The following RXYLT1 variants were observed in gnomAD, a reference collection of about 807,000 sequenced individuals.
RXYLT1 encodes ribitol xylosyltransferase 1.
Under a neutral mutation model 43.5 loss-of-function variants are expected in RXYLT1, and 41 were observed. The ratio of observed to expected loss-of-function variants is 0.94; its 90% CI spans 0.73 to 1.22. The LOEUF (loss-of-function observed/expected upper bound fraction) is 1.22. Ranked by LOEUF, RXYLT1 falls within the 50% of genes most tolerant of loss-of-function variation. The probability of loss-of-function intolerance (pLI) is 0.00; values close to 1 mark genes in which losing one functional copy is unlikely to be tolerated. For synonymous variants in RXYLT1, 166 were observed against 194.4 expected, an observed-to-expected ratio of 0.85 and a Z score of 1.21; for missense variants, 514 against 532.0, an observed-to-expected ratio of 0.97 and a Z score of 0.33.
chr12:63,797,515 A>C (rs1179922999), intron 3 of RXYLT1, among the ~76,000 whole-genome samples: 1 of 152,204 alleles, frequency 6.6e-6, no homozygotes, highest in South Asian at 2.1e-4. Flanking sequence ...CATAAGTGAT[A>C]AACTTGGGTT....
chr12:63,808,940 GCTGTTTTAGAAA>G lies in RXYLT1; in HGVS notation c.1181_1192del (p.Ala394_Lys398delinsGlu). Reference sequence around the variant, plus strand: ...TATCAAGAACTGGAAGGAACTCCCTGCTGTTTTAGAAAAAGAGAAAACTATAATTTTACAAGA... The same window carrying G: ...TATCAAGAACTGGAAGGAACTCCCTGAAGAGAAAACTATAATTTTACAAGA... On this transcript the variant is annotated inframe_deletion, in exon 6 of 6. Transcript: ENST00000261234. 1 of 1,613,550 alleles carries G rather than the reference GCTGTTTTAGAAA, an allele frequency of 6.2e-7. No individual in the cohort carries two copies. Among genetic ancestry groups the G allele is most frequent in the African/African-American group, 1.3e-5 (1 of 74,966 alleles).
rs1193101148 is a variant in RXYLT1, at chr12:63,805,582, A to G, written c.914+178A>G. ...TGGGTTGTACACATTTAGAATAGAGAGAACCGCCTATGACTGTAGTCCATC... is the reference window on the plus strand; with the variant it reads ...TGGGTTGTACACATTTAGAATAGAGGGAACCGCCTATGACTGTAGTCCATC... On this transcript the variant is annotated intron_variant, in intron 5 of 5. Transcript: ENST00000261234. The G allele has an allele frequency of 5.6e-6, 3 of 538,994 alleles. No homozygotes were observed. In the African/African-American group the frequency reaches 5.9e-5, roughly 11 times the overall value. 33.4% of individuals were successfully genotyped at this position (538,994 alleles called of 1,614,324 possible). A position where few individuals can be genotyped will look rare whatever the true frequency, so the allele number is the denominator to read the frequency against.
intron 3 of RXYLT1, among the ~76,000 whole-genome samples, chr12:63,788,613 T>C (rs1897856225): frequency 6.6e-6 from 1 of 152,222 alleles, no homozygotes; most frequent in Non-Finnish European, 1.5e-5. Context: ...CTTCCTCACC[T>C]TTCTCAACCT....
At position 63,779,971 on chromosome 12, in the gene RXYLT1, C is replaced by A; in HGVS notation, c.11C>A (p.Thr4Lys). 6.2e-7 allele frequency: 1 copy of A among 1,610,564 alleles called. No homozygotes were observed. Among genetic ancestry groups the A allele is most frequent in the Non-Finnish European group, 8.5e-7 (1 of 1,178,674 alleles). MRL[T>K]RKRLCSFLIA... Reference sequence around the variant, plus strand: ...GGAAGCCCGAGTGGGATGCGGCTGACGCGGAAGCGGCTCTGCTCGTTTCTT... The same window carrying A: ...GGAAGCCCGAGTGGGATGCGGCTGAAGCGGAAGCGGCTCTGCTCGTTTCTT... Residue 4 changes from threonine (T) to lysine (K), a missense_variant, in exon 1 of 6, where the codon ACG (threonine) becomes AAG (lysine). Transcript: ENST00000261234.
intron 1 of RXYLT1, 110 bp downstream of exon 1, chr12:63,780,239 G>C (rs566322304): frequency 7.2e-7 from 1 of 1,385,458 alleles, no homozygotes; most frequent in East Asian, 2.9e-5. Context: ...TTACCCGCAG[G>C]GCCTGAGAAG....
At chr12:63,788,139 AATAT>A (rs1897846881) in intron 3 of RXYLT1, among the ~76,000 whole-genome samples, 1 of 152,226 alleles carries the variant, frequency 6.6e-6, no homozygotes, top group African/African-American at 2.4e-5. Flanking sequence ...GTAAGCTTAA[AATAT>A]TCAGTAAACC....
chr12:63,808,884 T>C lies in RXYLT1; in HGVS notation c.1124T>C (p.Leu375Ser). The change falls in exon 6 of 6, where the codon TTA becomes TCA. Residue 375 changes from leucine (L) to serine (S), a missense_variant. Leu to Ser is a moderately radical substitution (Grantham distance 145, BLOSUM62 -2). Coordinates refer to ENST00000261234, the MANE Select transcript of RXYLT1 (RefSeq NM_014254.3). ...GTGCACCACGGTGCTCCTCTGCAGT[T>C]ACTCAAGTCCATGGGTGCTCCCTTT... ...TSVHHGAPLQLLKSMGAPFIF... is the reference protein window; with the variant it reads ...TSVHHGAPLQSLKSMGAPFIF... 1 of 1,614,178 alleles carries C rather than the reference T, an allele frequency of 6.2e-7. No individual in the cohort carries two copies. Among genetic ancestry groups the C allele is most frequent in the Non-Finnish European group, 8.5e-7 (1 of 1,180,034 alleles).
At chr12:63,805,165 A>T in intron 4 of RXYLT1, 69 bp from the exon 5 acceptor site, 1 of 1,244,846 alleles carries the variant, frequency 8.0e-7, no homozygotes, top group Admixed American at 2.5e-5. Flanking sequence ...GCTACCTAAG[A>T]GATTGGGTTA....
At chr12:63,780,182 C>T (rs1442122324) in intron 1 of RXYLT1, 53 bp downstream of exon 1, 41 of 1,403,064 alleles carry the variant, frequency 2.9e-5, no homozygotes, top group Admixed American at 3.6e-5. Flanking sequence ...GCTGGGGCTG[C>T]TGGGCGGCTG....
At chr12:63,795,799 C>T (rs2136227976) in intron 3 of RXYLT1, 1 of 151,968 alleles carries the variant, frequency 6.6e-6, no homozygotes, top group African/African-American at 2.4e-5. Context: ...TTTAAATATA[C>T]CCAAATTATT....
intron 3 of RXYLT1, among the ~76,000 whole-genome samples, chr12:63,796,064 T>C (rs1050406085): frequency 2.0e-5 from 3 of 152,230 alleles, no homozygotes; most frequent in African/African-American, 7.2e-5. Context: ...GTCCATTTTC[T>C]GGCCCAGTTT....
At chr12:63,795,915 A>C (rs907504297) in intron 3 of RXYLT1, among the ~76,000 whole-genome samples, 3 of 152,196 alleles carry the variant, frequency 2.0e-5, no homozygotes, top group Non-Finnish European at 2.9e-5. Flanking sequence ...AAATGGTACC[A>C]AAAAAATCCA....
At chr12:63,790,743 T>C (rs1897903865) in intron 3 of RXYLT1, among the ~76,000 whole-genome samples, 1 of 152,186 alleles carries the variant, frequency 6.6e-6, no homozygotes, top group South Asian at 2.1e-4. Flanking sequence ...ATTACACGTG[T>C]GAGCCACCAC....
At chr12:63,786,459 AGTTAT>A (rs1897802438) in intron 3 of RXYLT1, among the ~76,000 whole-genome samples, 1 of 152,142 alleles carries the variant, frequency 6.6e-6, no homozygotes, top group Non-Finnish European at 1.5e-5. Context: ...TACATATGAA[AGTTAT>A]GTTTACACTG....
chr12:63,809,494 T>C lies in RXYLT1; in HGVS notation c.*402T>C, dbSNP rs1404262869. Reference sequence around the variant, plus strand: ...ACTGGTTTATGTATTTACTATACTATACTTTTTACAATTTGTATTAGTTCT... The same window carrying C: ...ACTGGTTTATGTATTTACTATACTACACTTTTTACAATTTGTATTAGTTCT... On this transcript the variant is annotated 3_prime_UTR_variant, in exon 6 of 6. Transcript: ENST00000261234. 1 of 158,746 alleles carries C rather than the reference T, an allele frequency of 6.3e-6. No individual in the cohort carries two copies. The highest frequency in any genetic ancestry group is 2.4e-5 in the African/African-American group (1 of 41,488). 9.8% of individuals were successfully genotyped at this position (158,746 alleles called of 1,614,324 possible).
chr12:63,780,046 T>TCGGGCGCCGCCGC lies in RXYLT1; in HGVS notation c.88_100dup (p.Gln34ArgfsTer35). ...CTCTACGCTGCCTACCACGTCTTCT[T>TCGGGCGCCGCCGC]CGGGCGCCGCCGCCAGGCGCCGGCC... On this transcript the variant is annotated frameshift_variant, in exon 1 of 6. Transcript: ENST00000261234. LOFTEE classifies it high-confidence loss of function. 2.5e-6 allele frequency: 4 copies of TCGGGCGCCGCCGC among 1,598,392 alleles called. No individual in the cohort carries two copies. The highest frequency in any genetic ancestry group is 3.4e-6 in the Non-Finnish European group (4 of 1,173,528).
intron 2 of RXYLT1, among the ~76,000 whole-genome samples, chr12:63,783,621 A>G (rs772430982): frequency 2.6e-5 from 4 of 152,138 alleles, no homozygotes; most frequent in East Asian, 1.9e-4. Flanking sequence ...ATTCAAGGCA[A>G]TCTAATCTAG....
intron 3 of RXYLT1, chr12:63,785,444 T>C (rs953679383): frequency 2.0e-5 from 3 of 152,644 alleles, no homozygotes; most frequent in African/African-American, 7.2e-5. Flanking sequence ...TTTCATGTAA[T>C]AGTCATGTTC....
intron 3 of RXYLT1, among the ~76,000 whole-genome samples, chr12:63,786,221 G>T (rs2136222600): frequency 6.6e-6 from 1 of 152,216 alleles, no homozygotes; most frequent in Non-Finnish European, 1.5e-5. Flanking sequence ...AATTCATAAA[G>T]TTAGCATCTT....
Sources: gnomAD v4.1 joint callset for allele counts (sites outside exome capture counted in the v4.1 genomes callset) on GRCh38, gnomAD v4.1.1 for gene constraint, MANE v1.5 for transcripts, NCBI Gene and HGNC (gene_info 2026-07-23, HGNC 2026-07-21) for gene names.